The following VWF variants were observed in gnomAD, a reference collection of about 807,000 sequenced individuals.
VWF encodes von Willebrand factor.
VWF carries 176 observed loss-of-function variants against 308.6 expected under a neutral mutation model. The ratio of observed to expected loss-of-function variants is 0.57; its 90% CI spans 0.50 to 0.65. The LOEUF is 0.65. Among genes scored for constraint, VWF ranks in the 30% least tolerant of loss-of-function variants. The probability of loss-of-function intolerance (pLI) is 0.00; values close to 1 mark genes in which losing one functional copy is unlikely to be tolerated. For synonymous variants in VWF, 1,385 were observed against 1,443.4 expected (o/e 0.96, Z 0.92); for missense variants, 3,146 against 3,648.2 (o/e 0.86, Z 3.55).
rs751608635 is a variant in VWF at position 6,031,442 on chromosome 12, A to C, written c.2820+2T>G. The C allele has an allele frequency of 6.2e-7, 1 of 1,613,766 alleles. No homozygotes were observed. Among genetic ancestry groups the C allele is most frequent in the Non-Finnish European group, 8.5e-7 (1 of 1,179,992 alleles). On this transcript the variant is annotated splice_donor_variant, in intron 21 of 51. Transcript: ENST00000261405. LOFTEE classifies it high-confidence loss of function. ...TGAGGGTGGAGATGAGGCTGCACTT[A>C]CCTCCCCGTCAAACAGCTCAATCTC... is the stretch of plus-strand genomic sequence containing the variant.
intron 34 of VWF, among the ~76,000 whole-genome samples, chr12:6,002,637 T>G (rs1172428758): frequency 6.6e-6 from 1 of 151,878 alleles, no homozygotes; most frequent in Non-Finnish European, 1.5e-5. Context: ...CATGGAAGAA[T>G]TAGAGTAAGT....
rs1377670662 is a variant in VWF at position 5,996,122 on chromosome 12, C to T, written c.5943G>A (p.Glu1981=). ...SCSYVLFQNK[E]QDLEVILHNG... ...TATGGAGAATCACCTCCAGGTCCTGCTCCTTGTTTTGAAATAGGACATAAG... is the reference window on the plus strand; with the variant it reads ...TATGGAGAATCACCTCCAGGTCCTGTTCCTTGTTTTGAAATAGGACATAAG... Residue 1981 remains glutamate (E), a synonymous_variant, in exon 35 of 52, where the codon GAG becomes GAA. Coordinates refer to ENST00000261405, the MANE Select transcript of VWF (RefSeq NM_000552.5). The T allele has an allele frequency of 3.1e-6, 5 of 1,614,146 alleles. No individual in the cohort carries two copies. The highest frequency in any genetic ancestry group is 1.3e-5 in the African/African-American group (1 of 75,050).
intron 6 of VWF, among the ~76,000 whole-genome samples, chr12:6,092,598 C>CTAGTTAGGTAGT (rs1945050821): frequency 1.5e-5 from 1 of 65,068 alleles, no homozygotes; most frequent in African/African-American, 5.6e-5. Context: ...CCATGCCCAG[C>CTAGTTAGGTAGT]TAGTTAGTGA....
chr12:6,042,442 C>A (rs574061647), intron 18 of VWF, among the ~76,000 whole-genome samples: 1 of 152,346 alleles, frequency 6.6e-6, no homozygotes, highest in East Asian at 1.9e-4. Context: ...GCCAAGAACA[C>A]GTGTCCCGTG....
rs151139069 is a variant in VWF, at chr12:6,075,922, G to A, written c.658-371C>T. ...AGAGTCCAGGAATGCTGTCAGCATC[G>A]GTTCTGCACTGACCTGTTCAGCTCC... is the stretch of plus-strand genomic sequence containing the variant. On this transcript the variant is annotated intron_variant, in intron 6 of 51. Transcript: ENST00000261405. The surrounding 1 kb of genome is among the most constrained non-coding windows in gnomAD (Gnocchi z 4.7). Among the ~76,000 whole-genome samples, 210 of 152,304 alleles carry A rather than the reference G, an allele frequency of 1.4e-3. 1 individual carries two copies. The highest frequency in any genetic ancestry group is 0.01 in the Middle Eastern group (3 of 294).
intron 45 of VWF, 188 bp from the exon 46 acceptor site, chr12:5,968,355 C>T: frequency 1.6e-6 from 1 of 613,756 alleles, no homozygotes; most frequent in Non-Finnish European, 2.8e-6. Flanking sequence ...GGCCTCCCTT[C>T]CCCATGCAGC....
At chr12:6,042,675 C>T (rs1044058651) in intron 18 of VWF, among the ~76,000 whole-genome samples, 3 of 152,196 alleles carry the variant, frequency 2.0e-5, no homozygotes, top group Non-Finnish European at 4.4e-5. Context: ...AGAATGCATG[C>T]CCAGTGCTTC....
In VWF at chr12:6,046,162, T is replaced by C. The variant is rs1271001857; in HGVS notation, c.2281+561A>G. 2.0e-5 allele frequency among the ~76,000 whole-genome samples: 3 copies of C among 152,008 alleles called. No individual in the cohort carries two copies. Among genetic ancestry groups the C allele is most frequent in the Non-Finnish European group, 4.4e-5 (3 of 67,982 alleles). ...TTGCTTGAACCCAGGAGGCAGAGGT[T>C]GCAGTGAGCTGAGATTGCACCACTG... is the stretch of plus-strand genomic sequence containing the variant. On this transcript the variant is annotated intron_variant, in intron 17 of 51. Transcript: ENST00000261405. The surrounding 1 kb of genome is among the most constrained non-coding windows in gnomAD (Gnocchi z 5.0).
chr12:5,949,269 TG>T (rs753944861), intron 51 of VWF, 66 bp from the exon 52 acceptor site: 3 of 1,541,172 alleles, frequency 1.9e-6, no homozygotes, highest in Non-Finnish European at 2.7e-6. Context: ...GGCAGGGCTC[TG>T]GGGCAGCCTG....
At chr12:6,121,482 T>A in intron 2 of VWF, 144 bp from the exon 3 acceptor site, 2 of 1,021,520 alleles carry the variant, frequency 2.0e-6, no homozygotes, top group Non-Finnish European at 2.9e-6. Flanking sequence ...TAAATGAGAC[T>A]AAAGCTGTTG....
rs892789650 is a variant in VWF at position 6,089,330 on chromosome 12, C to T, written c.657+6130G>A. ...TCTTCTCAGGTAAACAACCTGAAAC[C>T]GGGAGTTCTGAGCTGGGAGGAGCTT... On this transcript the variant is annotated intron_variant, in intron 6 of 51. Coordinates refer to ENST00000261405, the MANE Select transcript of VWF (RefSeq NM_000552.5). Among the ~76,000 whole-genome samples, 6 of 152,202 alleles carry T rather than the reference C, an allele frequency of 3.9e-5. No homozygotes were observed. The East Asian group carries it at 9.6e-4, about 24-fold the overall frequency.
chr12:6,013,608 G>A lies in VWF; in HGVS notation c.5493C>T (p.Tyr1831=), dbSNP rs769268109. Residue 1831 remains tyrosine (Y), a synonymous_variant, in exon 32 of 52, where the codon TAC becomes TAT. Transcript: ENST00000261405. ...CCAAGATCCGTAGCTGGGCTGCATC[G>A]TAGCGATCTCCAATTCCAATAGGGA... is the stretch of plus-strand genomic sequence containing the variant. ...TVFPIGIGDR[Y]DAAQLRILAG... 13 of 1,613,566 alleles carry A rather than the reference G, an allele frequency of 8.1e-6. No individual in the cohort carries two copies. The highest frequency in any genetic ancestry group is 1.3e-5 in the African/African-American group (1 of 74,902).
intron 5 of VWF, among the ~76,000 whole-genome samples, chr12:6,100,536 T>A (rs1177982413): frequency 1.3e-5 from 2 of 151,358 alleles, no homozygotes; most frequent in Non-Finnish European, 3.0e-5. Context: ...ATGTGGCACA[T>A]ATACACCATG....
intron 40 of VWF, among the ~76,000 whole-genome samples, chr12:5,983,757 A>G (rs1195725483): frequency 6.8e-6 from 1 of 147,898 alleles, no homozygotes; most frequent in East Asian, 2.1e-4. Context: ...ACAGATAGAT[A>G]CATACATAGA....
At chr12:6,045,061 T>A (rs928145935) in intron 17 of VWF, among the ~76,000 whole-genome samples, 1 of 152,222 alleles carries the variant, frequency 6.6e-6, no homozygotes, top group Non-Finnish European at 1.5e-5. Flanking sequence ...TCTCACTTAC[T>A]TGTTTACTGT....
At position 6,035,858 on chromosome 12, in the gene VWF, C is replaced by T. The variant is rs977598059; in HGVS notation, c.2546+530G>A. On this transcript the variant is annotated intron_variant, in intron 19 of 51. Transcript: ENST00000261405. The stretch of plus-strand genomic sequence containing the variant: ...TTCTGAAACCCAAAACTTTGAGCAC[C>T]AACATGACACCACATGGGTGGCTGA... 3.9e-5 allele frequency among the ~76,000 whole-genome samples: 6 copies of T among 152,222 alleles called. No individual in the cohort carries two copies. In the East Asian group the frequency reaches 5.8e-4, roughly 15 times the overall value.
intron 15 of VWF, among the ~76,000 whole-genome samples, chr12:6,055,871 C>T (rs186637738): frequency 6.6e-6 from 1 of 151,726 alleles, no homozygotes; most frequent in East Asian, 1.9e-4. Context: ...AATTCCTAGA[C>T]TCAAGCAATC....
At chr12:6,118,653 C>T (rs1945396133) in intron 3 of VWF, among the ~76,000 whole-genome samples, 1 of 152,092 alleles carries the variant, frequency 6.6e-6, no homozygotes, top group African/African-American at 2.4e-5. Context: ...TCCCAAAGTG[C>T]TGGGACTGCA....
chr12:5,953,391 G>A (rs951451668), intron 48 of VWF, 105 bp downstream of exon 48: 1 of 819,190 alleles, frequency 1.2e-6, no homozygotes, highest in Non-Finnish European at 2.1e-6. Flanking sequence ...AGAAAAAGAA[G>A]CCAATACTGA....
Sources: allele counts gnomAD v4.1 joint callset (sites outside exome capture counted in the v4.1 genomes callset), GRCh38; gene constraint gnomAD v4.1.1; non-coding constraint Gnocchi (gnomAD v3.1); transcripts MANE v1.5; gene names NCBI Gene and HGNC (gene_info 2026-07-23, HGNC 2026-07-21).